IMPG1: variants seen among roughly 807,000 people sequenced by gnomAD.
IMPG1 encodes interphotoreceptor matrix proteoglycan 1.
IMPG1 carries 85 observed loss-of-function variants against 92.0 expected under a neutral mutation model. That is an observed-to-expected ratio of 0.92 (90% CI 0.78 to 1.11). The LOEUF (loss-of-function observed/expected upper bound fraction) is 1.11, where lower values mean the gene tolerates loss of function less well. Ranked by LOEUF, IMPG1 falls within the 50% of genes least tolerant of loss-of-function variation. The pLI is 0.00. For synonymous variants in IMPG1, 367 were observed against 334.1 expected, an observed-to-expected ratio of 1.10 and a Z score of -1.08; for missense variants, 1,022 against 956.0, an observed-to-expected ratio of 1.07 and a Z score of -0.91.
intron 2 of IMPG1, among the ~76,000 whole-genome samples, chr6:76,036,250 T>C (rs1459657157): frequency 1.3e-5 from 2 of 152,232 alleles, no homozygotes; most frequent in East Asian, 3.9e-4. Flanking sequence ...TAACGACTAA[T>C]TGTATATGAA....
chr6:75,944,499 T>C (rs1781890312), intron 14 of IMPG1, among the ~76,000 whole-genome samples: 1 of 152,260 alleles, frequency 6.6e-6, no homozygotes, highest in Admixed American at 6.5e-5. Flanking sequence ...ATTTGGTTGA[T>C]GCTTAATGAT....
At chr6:76,053,117 C>T (rs1159097755) in intron 1 of IMPG1, among the ~76,000 whole-genome samples, 1 of 152,128 alleles carries the variant, frequency 6.6e-6, no homozygotes, top group Non-Finnish European at 1.5e-5. Flanking sequence ...CTCTGCCTCC[C>T]AATTCTTAAT....
At chr6:76,041,794 G>T in intron 2 of IMPG1, 99 bp downstream of exon 2, 1 of 734,008 alleles carries the variant, frequency 1.4e-6, no homozygotes, top group South Asian at 1.7e-5. Flanking sequence ...GTGGCTAAAT[G>T]ACAGAACTGG....
chr6:76,035,732 G>A (rs1398669027), intron 2 of IMPG1, among the ~76,000 whole-genome samples: 1 of 152,118 alleles, frequency 6.6e-6, no homozygotes, highest in African/African-American at 2.4e-5. Context: ...CTCTTTGTTA[G>A]TACTTCCCTT....
At chr6:76,034,283 A>T in intron 4 of IMPG1, 32 bp downstream of exon 4, 1 of 1,487,816 alleles carries the variant, frequency 6.7e-7, no homozygotes, top group Admixed American at 1.8e-5. Flanking sequence ...ATTCAAAAGC[A>T]CACACACACA....
chr6:76,013,729 A>G, intron 7 of IMPG1, among the ~76,000 whole-genome samples: 1 of 152,044 alleles, frequency 6.6e-6, no homozygotes, highest in East Asian at 1.9e-4. Context: ...TGTTTAATTC[A>G]GTTGAGTGCA....
At chr6:76,033,027 G>T (rs1044313811) in intron 4 of IMPG1, among the ~76,000 whole-genome samples, 1 of 152,198 alleles carries the variant, frequency 6.6e-6, no homozygotes, top group Non-Finnish European at 1.5e-5. Flanking sequence ...TTATGAAGTT[G>T]TGTGAAGAGT....
intron 7 of IMPG1, among the ~76,000 whole-genome samples, chr6:76,015,125 G>A (rs1471726664): frequency 6.6e-6 from 1 of 152,214 alleles, no homozygotes; most frequent in Non-Finnish European, 1.5e-5. Context: ...TTTTCATGAA[G>A]GTTTGCACAG....
chr6:76,048,037 G>A (rs2794279), intron 1 of IMPG1, among the ~76,000 whole-genome samples: 137,721 of 152,196 alleles, frequency 0.9, 63,683 homozygotes, highest in Non-Finnish European at 1. Flanking sequence ...TAATCAATGG[G>A]ACCAATTAAA....
intron 4 of IMPG1, among the ~76,000 whole-genome samples, chr6:76,026,129 A>G (rs1407761047): frequency 6.6e-6 from 1 of 151,742 alleles, no homozygotes; most frequent in African/African-American, 2.4e-5. Context: ...GAAGCACTCT[A>G]GCAGGGACTC....
chr6:76,066,684 A>G (rs2127598799), intron 1 of IMPG1, among the ~76,000 whole-genome samples: 1 of 152,250 alleles, frequency 6.6e-6, no homozygotes, highest in Non-Finnish European at 1.5e-5. Context: ...CTTAAATTGT[A>G]TTGTAGACCA....
Position 75,950,841 on chromosome 6 carries a change from C to CAT in IMPG1, c.1543_1544dup (p.Met515IlefsTer6). ...GATCCATTTCATCTAGGTGTCTGAC[C>CAT]ATATCTTCGCCACCTGCACTTGATC... is the stretch of plus-strand genomic sequence containing the variant. On this transcript the variant is annotated frameshift_variant, in exon 13 of 17. Transcript: ENST00000369950. LOFTEE classifies it high-confidence loss of function. 1.2e-6 allele frequency: 2 copies of CAT among 1,613,886 alleles called. No individual in the cohort carries two copies. The highest frequency in any genetic ancestry group is 1.7e-6 in the Non-Finnish European group (2 of 1,179,926).
At chr6:75,957,968 T>TC (rs1337265430) in intron 12 of IMPG1, among the ~76,000 whole-genome samples, 1 of 152,220 alleles carries the variant, frequency 6.6e-6, no homozygotes, top group Admixed American at 6.5e-5. Context: ...CTGGTTATTT[T>TC]GCCCGTTTGT....
intron 7 of IMPG1, among the ~76,000 whole-genome samples, chr6:76,012,383 TCCACC>T (rs1783200660): frequency 6.6e-6 from 1 of 152,206 alleles, no homozygotes; most frequent in Admixed American, 6.5e-5. Flanking sequence ...TCTTCATTGC[TCCACC>T]CTATTTCTGT....
At chr6:75,924,643 AAT>A (rs1781504658) in intron 15 of IMPG1, among the ~76,000 whole-genome samples, 1 of 10,032 alleles carries the variant, frequency 1.0e-4, no homozygotes, top group Non-Finnish European at 1.5e-4. Context: ...TATTATATAT[AAT>A]TAATTATATA....
chr6:75,988,791 G>A (rs1782766867), intron 12 of IMPG1, among the ~76,000 whole-genome samples: 1 of 152,096 alleles, frequency 6.6e-6, no homozygotes, highest in Non-Finnish European at 1.5e-5. Flanking sequence ...TTCTCCCAGG[G>A]AAATGCCCAA....
intron 12 of IMPG1, among the ~76,000 whole-genome samples, chr6:75,954,532 G>C (rs867286417): frequency 1.3e-5 from 2 of 152,236 alleles, no homozygotes; most frequent in South Asian, 2.1e-4. Flanking sequence ...TAGATGGATA[G>C]ATTGCCAAAA....
chr6:75,992,692 T>C (rs1038011289), intron 12 of IMPG1, among the ~76,000 whole-genome samples: 1 of 152,118 alleles, frequency 6.6e-6, no homozygotes, highest in African/African-American at 2.4e-5. Context: ...AACAAACTCC[T>C]TTTTCTGACT....
chr6:75,963,855 A>C (rs1187037988), intron 12 of IMPG1, among the ~76,000 whole-genome samples: 1 of 152,186 alleles, frequency 6.6e-6, no homozygotes, highest in Non-Finnish European at 1.5e-5. Context: ...TGGAATACCA[A>C]CTCAAAAGGC....
Sources: allele counts gnomAD v4.1 joint callset (sites outside exome capture counted in the v4.1 genomes callset), GRCh38; gene constraint gnomAD v4.1.1; transcripts MANE v1.5; gene names NCBI Gene and HGNC (gene_info 2026-07-23, HGNC 2026-07-21).